WRNIP1: variants seen among roughly 807,000 people sequenced by gnomAD.
WRNIP1 encodes ATPase WRNIP1.
In WRNIP1, 41 loss-of-function variants were observed where a neutral mutation model predicts 56.1. The observed-to-expected ratio is 0.73, with a 90% CI of 0.57 to 0.95. The LOEUF is 0.95. WRNIP1 is among the 40% of genes least tolerant of loss of function. WRNIP1 has a pLI of 0.00. For synonymous variants in WRNIP1, 547 were observed against 398.1 expected (o/e 1.37, Z -4.45); for missense variants, 1,170 against 939.4 (o/e 1.25, Z -3.21).
chr6:2,781,266 G>A (rs534009869), intron 4 of WRNIP1, among the ~76,000 whole-genome samples: 4 of 152,334 alleles, frequency 2.6e-5, no homozygotes, highest in African/African-American at 9.6e-5. Flanking sequence ...GGAGCTGGGG[G>A]GTGGTGGAGG....
At chr6:2,779,242 C>G (rs754170436) in intron 3 of WRNIP1, 21 bp from the exon 4 acceptor site, 1 of 1,612,412 alleles carries the variant, frequency 6.2e-7, no homozygotes, top group South Asian at 1.1e-5. Context: ...GTGACCGTAA[C>G]TAACCCTGCT....
At chr6:2,773,020 G>A (rs1765345249) in intron 3 of WRNIP1, 1 of 985,394 alleles carries the variant, frequency 1.0e-6, no homozygotes, top group Non-Finnish European at 1.2e-6. Flanking sequence ...AGAAGTCCCA[G>A]GCTGTTGAAC....
intron 3 of WRNIP1, 63 bp downstream of exon 3, chr6:2,770,424 G>C: frequency 6.3e-7 from 1 of 1,592,978 alleles, no homozygotes; most frequent in Non-Finnish European, 8.6e-7. Flanking sequence ...CTGGCAGGGG[G>C]CCAGAAAGGG....
chr6:2,766,276 C>A lies in WRNIP1; in HGVS notation c.654C>A (p.Ile218=). Residue 218 remains isoleucine (I), a synonymous_variant, in exon 1 of 7, where the codon ATC becomes ATA. Transcript: ENST00000380773. The part of the protein sequence containing the change: ...PHPRALAAEE[I]RQMLQGKPLA... ...CCCGGGCGCTGGCTGCCGAGGAGAT[C>A]CGACAGATGCTACAGGGCAAGCCGC... 1 of 1,581,604 alleles carries A rather than the reference C, an allele frequency of 6.3e-7. No homozygotes were observed. Among genetic ancestry groups the A allele is most frequent in the African/African-American group, 1.4e-5 (1 of 73,968 alleles).
In WRNIP1 at chr6:2,770,276, C is replaced by G. The variant is rs369067440; in HGVS notation, c.1171C>G (p.Arg391Gly). 1 of 1,614,122 alleles carries G rather than the reference C, an allele frequency of 6.2e-7. No individual in the cohort carries two copies. The highest frequency in any genetic ancestry group is 8.5e-7 in the Non-Finnish European group (1 of 1,180,038). The change falls in exon 3 of 7, where the codon CGA (arginine) becomes GGA (glycine). Residue 391 changes from arginine to glycine, a missense_variant. Transcript: ENST00000380773. ...PVEAMVTILM[R>G]AINSLGIHVL... ...AGAGGCAATGGTGACTATTTTAATG[C>G]GAGCGATCAACTCCCTGGGAATCCA...
In WRNIP1 at chr6:2,770,171, A is replaced by G. The variant is rs1413593506; in HGVS notation, c.1066A>G (p.Thr356Ala). ...TGGGACGATCACTCTGATTGGGGCA[A>G]CCACTGAAAACCCTTCCTTCCAGGT... is the stretch of plus-strand genomic sequence containing the variant. ...ECGTITLIGA[T>A]TENPSFQVNA... Residue 356 changes from threonine to alanine, a missense_variant, in exon 3 of 7, where the codon ACC becomes GCC. Transcript: ENST00000380773. 6.2e-7 allele frequency: 1 copy of G among 1,614,070 alleles called. No individual in the cohort carries two copies. Among genetic ancestry groups the G allele is most frequent in the Non-Finnish European group, 8.5e-7 (1 of 1,180,032 alleles).
intron 1 of WRNIP1, among the ~76,000 whole-genome samples, chr6:2,766,811 T>G (rs1267318113): frequency 6.6e-6 from 1 of 152,090 alleles, no homozygotes; most frequent in East Asian, 1.9e-4. Context: ...ATCAGCATGT[T>G]TAAATTGTAA....
chr6:2,776,096 C>T (rs556737838), intron 3 of WRNIP1, among the ~76,000 whole-genome samples: 5 of 152,300 alleles, frequency 3.3e-5, no homozygotes, highest in Admixed American at 3.3e-4. Flanking sequence ...CCGCAGTTTG[C>T]TGAGGGATTT....
intron 1 of WRNIP1, among the ~76,000 whole-genome samples, chr6:2,766,956 T>C (rs886137652): frequency 6.6e-6 from 1 of 152,266 alleles, no homozygotes; most frequent in African/African-American, 2.4e-5. Flanking sequence ...TAAGAATAAG[T>C]TTATTTAACA....
At chr6:2,767,021 A>G (rs1342191326) in intron 1 of WRNIP1, among the ~76,000 whole-genome samples, 1 of 152,234 alleles carries the variant, frequency 6.6e-6, no homozygotes, top group Admixed American at 6.5e-5. Flanking sequence ...TGTATTTACA[A>G]AACTAACATA....
rs537260860 is a variant in WRNIP1, at chr6:2,786,852, A to G, written c.*1570A>G. ...CACTGGGTACTTGTTGGGCCTTTCAATCTGGAAACTCCTTTCAGTTCTAGG... is the reference window on the plus strand; with the variant it reads ...CACTGGGTACTTGTTGGGCCTTTCAGTCTGGAAACTCCTTTCAGTTCTAGG... On this transcript the variant is annotated 3_prime_UTR_variant, in exon 7 of 7. Transcript: ENST00000380773. 2.0e-5 allele frequency: 3 copies of G among 152,196 alleles called. No individual in the cohort carries two copies. Among genetic ancestry groups the G allele is most frequent in the South Asian group, 2.1e-4 (1 of 4,830 alleles). The allele number at this position is 152,196 out of a possible 1,614,324, so 9.4% of individuals were successfully genotyped here. A position where few individuals can be genotyped will look rare whatever the true frequency, so the allele number is the denominator to read the frequency against.
chr6:2,768,951 A>G (rs936961175), intron 2 of WRNIP1, 69 bp downstream of exon 2: 35 of 1,456,986 alleles, frequency 2.4e-5, no homozygotes, highest in East Asian at 1.2e-4. Flanking sequence ...TGAGATCACT[A>G]TACAAACGCT....
intron 4 of WRNIP1, among the ~76,000 whole-genome samples, 159 bp from the exon 5 acceptor site, chr6:2,783,247 C>A (rs1765611553): frequency 6.6e-6 from 1 of 152,184 alleles, no homozygotes; most frequent in Non-Finnish European, 1.5e-5. Flanking sequence ...GCTGGTGCAC[C>A]CCACTCAGAG....
rs1245984348 is a variant in WRNIP1, at chr6:2,786,076, CCTT to C, written c.*797_*799del. The C allele has an allele frequency of 6.6e-6, 1 of 152,126 alleles. No homozygotes were observed. Among genetic ancestry groups the C allele is most frequent in the Non-Finnish European group, 1.5e-5 (1 of 68,040 alleles). 9.4% of individuals were successfully genotyped at this position (152,126 alleles called of 1,614,324 possible). ...TGTCCTGAACACAAAATACGCCACT[CCTT>C]CTGCTCAGTTAAGAGTTATTTGTCC... On this transcript the variant is annotated 3_prime_UTR_variant, in exon 7 of 7. Coordinates refer to ENST00000380773, the MANE Select transcript of WRNIP1 (RefSeq NM_020135.3).
chr6:2,772,912 C>CGTT (rs1201152568), intron 3 of WRNIP1: 1 of 939,282 alleles, frequency 1.1e-6, no homozygotes, highest in Non-Finnish European at 1.3e-6. Flanking sequence ...GACTTCCAAC[C>CGTT]CCATATACTT....
intron 3 of WRNIP1, among the ~76,000 whole-genome samples, chr6:2,778,335 C>T (rs934334321): frequency 6.6e-6 from 1 of 152,164 alleles, no homozygotes; most frequent in African/African-American, 2.4e-5. Flanking sequence ...TTTTGCTTCA[C>T]AAATGTGCAG....
At position 2,785,133 on chromosome 6, in the gene WRNIP1, C is replaced by T; in HGVS notation, c.1849C>T (p.His617Tyr). ...GGGGCCACTGCCCCCCGTGCCCCTGCACCTGAGGAACGCGCCCACTAGGCT... is the reference window on the plus strand; with the variant it reads ...GGGGCCACTGCCCCCCGTGCCCCTGTACCTGAGGAACGCGCCCACTAGGCT... ...HQGPLPPVPL[H>Y]LRNAPTRLMK... The change falls in exon 7 of 7, where the codon CAC becomes TAC. Residue 617 changes from histidine (H) to tyrosine (Y), a missense_variant. Transcript: ENST00000380773. The T allele has an allele frequency of 1.2e-6, 2 of 1,614,214 alleles. No homozygotes were observed. The highest frequency in any genetic ancestry group is 1.3e-5 in the African/African-American group (1 of 75,056).
chr6:2,765,442 G>A lies in WRNIP1; in HGVS notation c.-181G>A. The A allele has an allele frequency of 1.5e-6, 1 of 666,994 alleles. No homozygotes were observed. Among genetic ancestry groups the A allele is most frequent in the Non-Finnish European group, 2.1e-6 (1 of 485,394 alleles). The allele number at this position is 666,994 out of a possible 1,614,324, so 41.3% of individuals were successfully genotyped here. A position where few individuals can be genotyped will look rare whatever the true frequency, so the allele number is the denominator to read the frequency against. ...GCGCTGCCAGCGGCCGGCCGAGGGC[G>A]GGCGGACGCGGGAGCTGCGGACGTG... On this transcript the variant is annotated 5_prime_UTR_variant, in exon 1 of 7. Transcript: ENST00000380773.
In WRNIP1 at chr6:2,770,453, A is replaced by T. The variant is rs528412011; in HGVS notation, c.1256+92A>T. The T allele has an allele frequency of 1.2e-5, 18 of 1,540,198 alleles. No individual in the cohort carries two copies. In the African/African-American group the frequency reaches 2.3e-4, roughly 20 times the overall value. Reference sequence around the variant, plus strand: ...GAAAGGGCCGGGCGTCAGTGAGGAGAGGGTGGGGACAGAGAAGAAATGTTG... The same window carrying T: ...GAAAGGGCCGGGCGTCAGTGAGGAGTGGGTGGGGACAGAGAAGAAATGTTG... On this transcript the variant is annotated intron_variant, in intron 3 of 6. Coordinates refer to ENST00000380773, the MANE Select transcript of WRNIP1 (RefSeq NM_020135.3).
Sources: allele counts gnomAD v4.1 joint callset (sites outside exome capture counted in the v4.1 genomes callset), GRCh38; gene constraint gnomAD v4.1.1; transcripts MANE v1.5; gene names NCBI Gene and HGNC (gene_info 2026-07-23, HGNC 2026-07-21).